Variants in PCDHA12 observed in about 807,000 individuals in gnomAD.
PCDHA12 encodes protocadherin alpha-12.
PCDHA12 carries 44 observed loss-of-function variants against 60.0 expected under a neutral mutation model. The observed-to-expected ratio is 0.73, with a 90% CI of 0.58 to 0.94. The LOEUF (loss-of-function observed/expected upper bound fraction) is 0.94, where lower values mean the gene tolerates loss of function less well. Ranked by LOEUF, PCDHA12 falls within the 40% of genes least tolerant of loss-of-function variation. PCDHA12 has a pLI of 0.00. For synonymous variants in PCDHA12, 569 were observed against 553.0 expected (o/e 1.03, Z -0.40); for missense variants, 1,276 against 1,239.7 (o/e 1.03, Z -0.44).
intron 1 of PCDHA12, among the ~76,000 whole-genome samples, chr5:140,930,626 A>G (rs1554207971): frequency 6.6e-6 from 1 of 152,220 alleles, no homozygotes; most frequent in Non-Finnish European, 1.5e-5. Flanking sequence ...GGAGGTGTGT[A>G]GAAATTAAGG....
At chr5:141,007,395 C>CAAAAA (rs35800918) in intron 3 of PCDHA12, among the ~76,000 whole-genome samples, 20 of 94,830 alleles carry the variant, frequency 2.1e-4, no homozygotes, top group South Asian at 3.5e-4. Context: ...TACTAAAATA[C>CAAAAA]AAAAAAAAAA....
At chr5:140,920,516 A>G (rs2079670610) in intron 1 of PCDHA12, among the ~76,000 whole-genome samples, 1 of 152,156 alleles carries the variant, frequency 6.6e-6, no homozygotes, top group African/African-American at 2.4e-5. Flanking sequence ...GTTTTATGCA[A>G]TTCGTTAGAC....
At chr5:140,997,335 A>G (rs2097768018) in intron 3 of PCDHA12, among the ~76,000 whole-genome samples, 1 of 152,230 alleles carries the variant, frequency 6.6e-6, no homozygotes, top group African/African-American at 2.4e-5. Context: ...TTCGTTGTAC[A>G]AATATCATAG....
At chr5:140,985,519 C>G (rs945399310) in intron 3 of PCDHA12, among the ~76,000 whole-genome samples, 7 of 152,120 alleles carry the variant, frequency 4.6e-5, no homozygotes, top group African/African-American at 1.7e-4. Flanking sequence ...TTCTGTTGCC[C>G]TTAAAGCTTC....
rs185115696 is a variant in PCDHA12, at chr5:140,899,982, A to G, written c.2367+22143A>G. Among the ~76,000 whole-genome samples the G allele has an allele frequency of 7.7e-3, 1,166 of 150,716 alleles. 5 individuals carry two copies. The highest frequency in any genetic ancestry group is 0.018 in the African/African-American group (738 of 41,016). On this transcript the variant is annotated intron_variant, in intron 1 of 3. Coordinates refer to ENST00000398631, the MANE Select transcript of PCDHA12 (RefSeq NM_018903.4). Reference sequence around the variant, plus strand: ...GCTGCCATGCCCAGCTACTTTTTTGATTTTTTTTGTAGAGATGAGGTCTCA... The same window carrying G: ...GCTGCCATGCCCAGCTACTTTTTTGGTTTTTTTTGTAGAGATGAGGTCTCA...
intron 1 of PCDHA12, chr5:140,926,948 C>A: frequency 1.3e-6 from 2 of 1,589,774 alleles, no homozygotes; most frequent in South Asian, 1.1e-5. Flanking sequence ...GGCGCTGCAG[C>A]GGGACAGCTC....
intron 3 of PCDHA12, among the ~76,000 whole-genome samples, chr5:140,998,180 A>C (rs2097799784): frequency 6.6e-6 from 1 of 152,122 alleles, no homozygotes; most frequent in East Asian, 1.9e-4. Context: ...TATTCTAAGC[A>C]CTTTACAAGT....
intron 1 of PCDHA12, among the ~76,000 whole-genome samples, chr5:140,941,542 C>T (rs782270560): frequency 4.0e-5 from 6 of 151,842 alleles, no homozygotes; most frequent in Non-Finnish European, 7.4e-5. Context: ...GTCTTGAACT[C>T]CTGACCTCGT....
At chr5:140,888,705 A>G (rs2061950008) in intron 1 of PCDHA12, among the ~76,000 whole-genome samples, 1 of 152,082 alleles carries the variant, frequency 6.6e-6, no homozygotes, top group South Asian at 2.1e-4. Context: ...ATTGGTAGGA[A>G]TGTGAAATAT....
intron 1 of PCDHA12, among the ~76,000 whole-genome samples, chr5:140,914,820 C>T (rs1277610128): frequency 6.6e-6 from 1 of 151,970 alleles, no homozygotes; most frequent in African/African-American, 2.4e-5. Flanking sequence ...TAACAGACTG[C>T]ATAAACAAAA....
At chr5:140,897,782 T>G (rs1378743158) in intron 1 of PCDHA12, among the ~76,000 whole-genome samples, 6 of 152,182 alleles carry the variant, frequency 3.9e-5, no homozygotes, top group Admixed American at 3.9e-4. Flanking sequence ...CCACAATGGT[T>G]GAACTAGTTT....
At chr5:140,982,816 G>A (rs970352633) in intron 3 of PCDHA12, among the ~76,000 whole-genome samples, 9 of 151,630 alleles carry the variant, frequency 5.9e-5, no homozygotes, top group Non-Finnish European at 1.0e-4. Flanking sequence ...TGTGTATGAA[G>A]TTTTTGGGGT....
intron 1 of PCDHA12, chr5:140,883,172 AT>A: frequency 1.2e-6 from 2 of 1,614,038 alleles, no homozygotes; most frequent in Non-Finnish European, 1.7e-6. Flanking sequence ...CAATGGAGAA[AT>A]TAGGACAAAA....
At chr5:140,968,442 T>C in intron 1 of PCDHA12, 1 of 1,614,068 alleles carries the variant, frequency 6.2e-7, no homozygotes, top group Non-Finnish European at 8.5e-7. Flanking sequence ...AGCCCACCAC[T>C]GAGCAGCACT....
chr5:140,901,953 G>A (rs545807968), intron 1 of PCDHA12, among the ~76,000 whole-genome samples: 8 of 151,830 alleles, frequency 5.3e-5, no homozygotes, highest in Non-Finnish European at 7.4e-5. Flanking sequence ...AGTTTTATTC[G>A]TGGCTATCGT....
chr5:140,945,387 T>C (rs1249675973), intron 1 of PCDHA12, among the ~76,000 whole-genome samples: 1 of 152,102 alleles, frequency 6.6e-6, no homozygotes, highest in Non-Finnish European at 1.5e-5. Flanking sequence ...CAAAGCAATA[T>C]ACAAATTCAA....
At chr5:140,916,550 A>G (rs1355799677) in intron 1 of PCDHA12, among the ~76,000 whole-genome samples, 5 of 152,052 alleles carry the variant, frequency 3.3e-5, no homozygotes, top group Admixed American at 1.3e-4. Flanking sequence ...TGGGTTTTCT[A>G]TTTGTCCAGG....
chr5:140,921,267 A>G (rs1371688460), intron 1 of PCDHA12, among the ~76,000 whole-genome samples: 2 of 152,168 alleles, frequency 1.3e-5, no homozygotes, highest in Non-Finnish European at 2.9e-5. Flanking sequence ...AGACTTTTAT[A>G]CTTACTTGAA....
chr5:140,968,768 C>T, intron 1 of PCDHA12: 1 of 1,614,174 alleles, frequency 6.2e-7, no homozygotes, highest in South Asian at 1.1e-5. Flanking sequence ...TAATGGAGAG[C>T]CATCACTATC....
Sources: gnomAD v4.1 joint callset for allele counts (sites outside exome capture counted in the v4.1 genomes callset) on GRCh38, gnomAD v4.1.1 for gene constraint, MANE v1.5 for transcripts, NCBI Gene and HGNC (gene_info 2026-07-23, HGNC 2026-07-21) for gene names.